Variants in PDE1C observed in about 807,000 individuals in gnomAD.
The protein encoded by PDE1C is phosphodiesterase 1C.
In PDE1C, 62 loss-of-function variants were observed where a neutral mutation model predicts 93.1. The ratio of observed to expected loss-of-function variants is 0.67; its 90% confidence interval spans 0.54 to 0.82. The LOEUF (loss-of-function observed/expected upper bound fraction) is 0.82, where lower values mean the gene tolerates loss of function less well. Ranked by LOEUF, PDE1C falls within the 40% of genes least tolerant of loss-of-function variation. PDE1C has a pLI of 0.00. For synonymous variants in PDE1C, 325 were observed against 310.1 expected (o/e 1.05, Z -0.50); for missense variants, 742 against 884.6 (o/e 0.84, Z 2.04).
At chr7:31,855,297 C>T (rs907516287) in intron 7 of PDE1C, among the ~76,000 whole-genome samples, 1 of 152,050 alleles carries the variant, frequency 6.6e-6, no homozygotes, top group African/African-American at 2.4e-5. Flanking sequence ...CCCTCTTCAC[C>T]TTCAAGCTGG....
intron 1 of PDE1C, among the ~76,000 whole-genome samples, chr7:32,052,711 C>T (rs1010862278): frequency 6.6e-6 from 1 of 152,110 alleles, no homozygotes; most frequent in Admixed American, 6.6e-5. Flanking sequence ...ATCACTAGGA[C>T]CTGTTACATC....
chr7:31,724,335 C>T, the PDE1C span, among the ~76,000 whole-genome samples: 3 of 152,204 alleles, frequency 2.0e-5, no homozygotes, highest in Admixed American at 6.5e-5. Context: ...CAACCTTTTG[C>T]CCTATCTATG....
intron 1 of PDE1C, among the ~76,000 whole-genome samples, chr7:32,218,026 G>A (rs1480839748): frequency 3.9e-5 from 6 of 152,228 alleles, no homozygotes; most frequent in Admixed American, 1.3e-4. Flanking sequence ...CCTTCACCTC[G>A]TGCTACCCAT....
At chr7:32,299,204 G>T in exon 1 of PDE1C, 1 of 990,966 alleles carries the variant, frequency 1.0e-6, no homozygotes, top group Non-Finnish European at 1.2e-6. Flanking sequence ...CTGAATTGGC[G>T]TCGTGCGTCT....
chr7:31,920,502 C>T (rs572629050), intron 2 of PDE1C, among the ~76,000 whole-genome samples: 1 of 152,040 alleles, frequency 6.6e-6, no homozygotes, highest in African/African-American at 2.4e-5. Flanking sequence ...TAGTAAAAGA[C>T]AGAAAAAGCC....
At chr7:32,169,831 A>C (rs1211314475) in exon 3 of PDE1C, 1 of 1,612,486 alleles carries the variant, frequency 6.2e-7, no homozygotes, top group Non-Finnish European at 8.5e-7. Flanking sequence ...AGCTGTGGCA[A>C]TTCATCAGCT....
chr7:32,396,831 C>T (rs1784847872), intron 1 of PDE1C, among the ~76,000 whole-genome samples: 1 of 152,070 alleles, frequency 6.6e-6, no homozygotes, highest in Admixed American at 6.6e-5. Flanking sequence ...GTCCAAAGTA[C>T]ACATGGAAAT....
chr7:32,349,231 A>G (rs1229052354), intron 1 of PDE1C, among the ~76,000 whole-genome samples: 1 of 152,222 alleles, frequency 6.6e-6, no homozygotes, highest in African/African-American at 2.4e-5. Context: ...GTTCATCTCT[A>G]TTGAACCCTG....
intron 1 of PDE1C, among the ~76,000 whole-genome samples, chr7:32,220,121 A>C (rs1382672016): frequency 6.6e-6 from 1 of 151,900 alleles, no homozygotes; most frequent in Non-Finnish European, 1.5e-5. Flanking sequence ...TTTTTAAATA[A>C]ATTACCCAGT....
intron 16 of PDE1C, among the ~76,000 whole-genome samples, chr7:31,776,663 T>A (rs1312880413): frequency 6.6e-6 from 1 of 151,578 alleles, no homozygotes; most frequent in Non-Finnish European, 1.5e-5. Flanking sequence ...TGGACACATA[T>A]CTTATATATA....
At chr7:32,069,134 A>G (rs1795731537) in intron 1 of PDE1C, among the ~76,000 whole-genome samples, 1 of 152,232 alleles carries the variant, frequency 6.6e-6, no homozygotes, top group Non-Finnish European at 1.5e-5. Flanking sequence ...TGGACTATAT[A>G]TGGAATGGCT....
intron 1 of PDE1C, among the ~76,000 whole-genome samples, chr7:32,337,469 C>G (rs1783650276): frequency 6.6e-6 from 1 of 152,188 alleles, no homozygotes; most frequent in Non-Finnish European, 1.5e-5. Flanking sequence ...AAGGTATTTA[C>G]TGCTATACAT....
chr7:32,395,836 A>G lies in PDE1C; in HGVS notation c.310+31986T>C, dbSNP rs561266930. 7.3e-5 allele frequency among the ~76,000 whole-genome samples: 11 copies of G among 149,788 alleles called. No homozygotes were observed. In the South Asian group the frequency reaches 2.4e-3, roughly 32 times the overall value. ...ATTCTCAGGAAAACCTTTATGAGGAAAACTTTAAAACACTCCTGATTGAAC... is the reference window on the plus strand; with the variant it reads ...ATTCTCAGGAAAACCTTTATGAGGAGAACTTTAAAACACTCCTGATTGAAC... On this transcript the variant is annotated intron_variant, in intron 1 of 1. Coordinates refer to the PDE1C transcript ENST00000672256.
intron 1 of PDE1C, among the ~76,000 whole-genome samples, chr7:32,394,002 A>T (rs891263229): frequency 9.2e-5 from 14 of 152,336 alleles, no homozygotes; most frequent in Admixed American, 2.0e-4. Context: ...AGATTGATAA[A>T]AGAAAAAATA....
chr7:32,204,549 T>A (rs1020147801), intron 2 of PDE1C, among the ~76,000 whole-genome samples: 4 of 152,194 alleles, frequency 2.6e-5, no homozygotes, highest in Admixed American at 1.3e-4. Context: ...GTCTTTTACG[T>A]CCTCTAGAGG....
intron 1 of PDE1C, among the ~76,000 whole-genome samples, chr7:32,248,462 G>C (rs145845091): frequency 1.1e-3 from 168 of 152,286 alleles, no homozygotes; most frequent in African/African-American, 3.9e-3. Flanking sequence ...AAATGTAGCA[G>C]GCAAAATTGA....
intron 1 of PDE1C, among the ~76,000 whole-genome samples, chr7:32,370,981 C>G (rs2128087604): frequency 6.6e-6 from 1 of 151,652 alleles, no homozygotes; most frequent in East Asian, 1.9e-4. Flanking sequence ...ACTGCATATT[C>G]TCACTCATAT....
At chr7:32,239,641 T>C (rs1808395691) in intron 1 of PDE1C, among the ~76,000 whole-genome samples, 1 of 152,064 alleles carries the variant, frequency 6.6e-6, no homozygotes. Flanking sequence ...ATCAGGAAAA[T>C]GAAAAACTAA....
intron 1 of PDE1C, among the ~76,000 whole-genome samples, chr7:32,358,285 T>G (rs1228695282): frequency 6.6e-6 from 1 of 152,198 alleles, no homozygotes; most frequent in Admixed American, 6.5e-5. Context: ...CCGACAGGCA[T>G]GTTTGTTCTT....
Sources: allele counts gnomAD v4.1 joint callset (sites outside exome capture counted in the v4.1 genomes callset), GRCh38; gene constraint gnomAD v4.1.1; transcripts MANE v1.5; gene names NCBI Gene and HGNC (gene_info 2026-07-23, HGNC 2026-07-21).